Variants in QTMAN observed in about 807,000 individuals in gnomAD.
QTMAN encodes queuosine-tRNA mannosyltransferase.
chr2:144,236,428 G>T, the QTMAN span, among the ~76,000 whole-genome samples: 1 of 152,090 alleles, frequency 6.6e-6, no homozygotes. Flanking sequence ...TGCCTATCAT[G>T]ACTTTTCCTG....
chr2:144,050,798 CA>C, the QTMAN span, among the ~76,000 whole-genome samples: 1 of 152,070 alleles, frequency 6.6e-6, no homozygotes, highest in Non-Finnish European at 1.5e-5. Flanking sequence ...CACACACACA[CA>C]CACATTTATT....
the QTMAN span, chr2:143,942,248 A>T: frequency 6.0e-6 from 1 of 167,156 alleles, no homozygotes; most frequent in Non-Finnish European, 1.5e-5. Flanking sequence ...ATAATGATAG[A>T]TGATGGTGGG....
chr2:143,988,437 T>C, the QTMAN span, among the ~76,000 whole-genome samples: 1 of 152,204 alleles, frequency 6.6e-6, no homozygotes, highest in Non-Finnish European at 1.5e-5. Flanking sequence ...TCTTCCTTGA[T>C]GCTCCTAAGC....
chr2:144,062,164 C>T, the QTMAN span, among the ~76,000 whole-genome samples: 2 of 152,218 alleles, frequency 1.3e-5, no homozygotes, highest in African/African-American at 2.4e-5. Context: ...GATGTTAGGA[C>T]TAAAAGAGCA....
the QTMAN span, among the ~76,000 whole-genome samples, chr2:144,241,760 C>G: frequency 1.3e-5 from 2 of 151,720 alleles, no homozygotes; most frequent in Admixed American, 6.6e-5. Flanking sequence ...CTAGATATTA[C>G]CTAGTGTGTA....
chr2:144,008,256 A>C, the QTMAN span, among the ~76,000 whole-genome samples: 17 of 152,096 alleles, frequency 1.1e-4, no homozygotes, highest in Non-Finnish European at 1.6e-4. Flanking sequence ...AGAGAAGAGT[A>C]GGAGACAGAC....
the QTMAN span, among the ~76,000 whole-genome samples, chr2:144,133,153 T>TATATATATATATATATATAA: frequency 2.4e-5 from 1 of 41,656 alleles, no homozygotes; most frequent in African/African-American, 1.3e-4. Context: ...ATATATATAA[T>TATATATATATATATATATAA]ATAATATAAT....
At chr2:144,127,590 G>C in the QTMAN span, among the ~76,000 whole-genome samples, 1 of 152,004 alleles carries the variant, frequency 6.6e-6, no homozygotes, top group Non-Finnish European at 1.5e-5. Context: ...AACAAAAAGA[G>C]GTCAGTTTAG....
chr2:144,164,054 C>CT, the QTMAN span, among the ~76,000 whole-genome samples: 1 of 152,208 alleles, frequency 6.6e-6, no homozygotes, highest in East Asian at 1.9e-4. Flanking sequence ...ACCCAAGTAG[C>CT]TGGGACCACA....
the QTMAN span, among the ~76,000 whole-genome samples, chr2:143,973,772 G>C: frequency 6.7e-6 from 1 of 149,066 alleles, no homozygotes; most frequent in African/African-American, 2.5e-5. Flanking sequence ...CTGGGCGACA[G>C]AGCGAAACTC....
the QTMAN span, among the ~76,000 whole-genome samples, chr2:144,228,483 T>G: frequency 6.6e-6 from 1 of 152,152 alleles, no homozygotes; most frequent in East Asian, 1.9e-4. Flanking sequence ...AAAATAACAT[T>G]TTTCTATAGT....
chr2:144,290,524 G>A, the QTMAN span, among the ~76,000 whole-genome samples: 25 of 152,104 alleles, frequency 1.6e-4, no homozygotes, highest in African/African-American at 6.0e-4. Flanking sequence ...AGATCACTCT[G>A]CTTAAAATCC....
At chr2:144,240,812 A>T in the QTMAN span, among the ~76,000 whole-genome samples, 1 of 152,218 alleles carries the variant, frequency 6.6e-6, no homozygotes, top group Non-Finnish European at 1.5e-5. Flanking sequence ...CATAAAAACG[A>T]CACACTACTG....
At chr2:144,230,342 TGAA>T in the QTMAN span, 1 of 152,134 alleles carries the variant, frequency 6.6e-6, no homozygotes, top group Admixed American at 6.5e-5. Context: ...AATATTAAGA[TGAA>T]AATGTAAAAG....
At chr2:144,218,671 G>A in the QTMAN span, among the ~76,000 whole-genome samples, 3 of 152,114 alleles carry the variant, frequency 2.0e-5, no homozygotes, top group African/African-American at 4.8e-5. Flanking sequence ...CCCCAAGTGG[G>A]AGACACATTT....
At chr2:144,243,437 A>G in the QTMAN span, among the ~76,000 whole-genome samples, 3 of 152,226 alleles carry the variant, frequency 2.0e-5, no homozygotes, top group African/African-American at 7.2e-5. Context: ...TTTTTCTCAG[A>G]ATAAATGTGA....
chr2:144,299,314 T>G, the QTMAN span, among the ~76,000 whole-genome samples: 1 of 152,006 alleles, frequency 6.6e-6, no homozygotes, highest in Non-Finnish European at 1.5e-5. Flanking sequence ...AGCCTCTATG[T>G]GAGTAAAGGG....
the QTMAN span, chr2:143,941,200 A>G: frequency 6.6e-6 from 1 of 152,182 alleles, no homozygotes; most frequent in Non-Finnish European, 1.5e-5. Flanking sequence ...AGTTTCCTAC[A>G]TCTCAAATAC....
chr2:143,982,853 C>CAAAAAAAAAAAAAAAAAAAAAAAATAAA, the QTMAN span, among the ~76,000 whole-genome samples: 1 of 61,042 alleles, frequency 1.6e-5, no homozygotes, highest in African/African-American at 5.2e-5. Context: ...GACTCTGTCT[C>CAAAAAAAAAAAAAAAAAAAAAAAATAAA]AAAAAAAAAA....
Sources: gnomAD v4.1 joint callset for allele counts (sites outside exome capture counted in the v4.1 genomes callset) on GRCh38, gnomAD v4.1.1 for gene constraint, MANE v1.5 for transcripts, NCBI Gene and HGNC (gene_info 2026-07-23, HGNC 2026-07-21) for gene names.